The following GNPDA2 variants were observed in gnomAD, a reference collection of about 807,000 sequenced individuals.
GNPDA2 encodes glucosamine-6-phosphate deaminase 2.
In GNPDA2, 24 loss-of-function variants were observed where a neutral mutation model predicts 27.0. The observed-to-expected ratio is 0.89, with a 90% confidence interval of 0.64 to 1.25. The LOEUF (loss-of-function observed/expected upper bound fraction) is 1.25, where lower values mean the gene tolerates loss of function less well. GNPDA2 is among the 50% of genes most tolerant of loss of function. The pLI is 0.00. For synonymous variants in GNPDA2, 94 were observed against 108.4 expected, an observed-to-expected ratio of 0.87 and a Z score of 0.83; for missense variants, 286 against 335.1, an observed-to-expected ratio of 0.85 and a Z score of 1.14.
At chr4:44,724,637 G>GTT (rs1212655055) in intron 1 of GNPDA2, among the ~76,000 whole-genome samples, 1 of 152,140 alleles carries the variant, frequency 6.6e-6, no homozygotes, top group African/African-American at 2.4e-5. Flanking sequence ...GCATTCCTGA[G>GTT]TTTTGTACCC....
Position 44,717,214 on chromosome 4 carries a change from T to C in GNPDA2, c.308A>G (p.Asn103Ser). 1 of 1,597,838 alleles carries C rather than the reference T, an allele frequency of 6.3e-7. No homozygotes were observed. Among genetic ancestry groups the C allele is most frequent in the Non-Finnish European group, 8.6e-7 (1 of 1,167,150 alleles). Residue 103 changes from asparagine to serine, a missense_variant, in exon 4 of 7, where the codon AAT becomes AGT. By Grantham distance (46) the Asn-to-Ser change is conservative. Transcript: ENST00000295448. The part of the protein sequence containing the change: ...FFKHIDIDPN[N>S]AHILDGNAAD... ...AGCATTCCCGTCAAGGATATGTGCA[T>C]TATTAGGATCTATATCGATATGCTT...
intron 5 of GNPDA2, among the ~76,000 whole-genome samples, chr4:44,709,609 A>T (rs565496528): frequency 1.3e-5 from 2 of 152,250 alleles, no homozygotes; most frequent in South Asian, 4.2e-4. Flanking sequence ...TTAAAAGGTT[A>T]TGAAATAAGC....
chr4:44,702,056 T>G lies in GNPDA2; in HGVS notation c.*1025A>C. On this transcript the variant is annotated 3_prime_UTR_variant, in exon 7 of 7. Transcript: ENST00000295448. ...TTAACCTAACTCTCCTAATGCATGA[T>G]GGTAACAAACCCAAAATGAATGCAG... 2 of 985,696 alleles carry G rather than the reference T, an allele frequency of 2.0e-6. No individual in the cohort carries two copies. The highest frequency in any genetic ancestry group is 2.4e-6 in the Non-Finnish European group (2 of 829,858). The allele number at this position is 985,696 out of a possible 1,614,324, so 61.1% of individuals were successfully genotyped here. A position where few individuals can be genotyped will look rare whatever the true frequency, so the allele number is the denominator to read the frequency against.
chr4:44,703,292 A>C (rs1024796325), intron 6 of GNPDA2, 150 bp from the exon 7 acceptor site: 1 of 1,397,868 alleles, frequency 7.2e-7, no homozygotes, highest in African/African-American at 1.5e-5. Flanking sequence ...GTACAAATAG[A>C]AATGTTTCAG....
At position 44,703,150 on chromosome 4, in the gene GNPDA2, A is replaced by C; in HGVS notation, c.770-8T>G. On this transcript the variant is annotated splice_polypyrimidine_tract_variant and splice_region_variant and intron_variant, in intron 6 of 6. Coordinates refer to ENST00000295448, the MANE Select transcript of GNPDA2 (RefSeq NM_138335.3). ...TGTGCACATGCATTAGACCTTAAAGAAAAAAAGCACAGTTCTAGTTGTTTT... is the reference window on the plus strand; with the variant it reads ...TGTGCACATGCATTAGACCTTAAAGCAAAAAAGCACAGTTCTAGTTGTTTT... The C allele has an allele frequency of 2.5e-6, 4 of 1,605,398 alleles. No individual in the cohort carries two copies. The highest frequency in any genetic ancestry group is 3.4e-6 in the Non-Finnish European group (4 of 1,177,316).
At chr4:44,704,406 AT>A (rs1364777681) in intron 6 of GNPDA2, 9 of 939,008 alleles carry the variant, frequency 9.6e-6, no homozygotes, top group Non-Finnish European at 1.1e-5. Context: ...AACAACTTTG[AT>A]TACGGAAAGA....
At chr4:44,703,166 T>C (rs1264596398) in intron 6 of GNPDA2, 24 bp from the exon 7 acceptor site, 5 of 1,593,538 alleles carry the variant, frequency 3.1e-6, no homozygotes, top group Middle Eastern at 1.7e-4. Flanking sequence ...AGCACAGTTC[T>C]AGTTGTTTTT....
chr4:44,722,748 GA>G (rs780744974), intron 1 of GNPDA2, among the ~76,000 whole-genome samples: 6 of 152,152 alleles, frequency 3.9e-5, no homozygotes, highest in Non-Finnish European at 7.4e-5. Flanking sequence ...AGCATCTGTG[GA>G]TTTTGGTATC....
In GNPDA2 at chr4:44,707,771, TTTAACTC is replaced by T. The variant is rs895582797; in HGVS notation, c.743_749del (p.Arg248LysfsTer3). 7 of 1,612,918 alleles carry T rather than the reference TTTAACTC, an allele frequency of 4.3e-6. No individual in the cohort carries two copies. The highest frequency in any genetic ancestry group is 2.7e-5 in the African/African-American group (2 of 74,866). ...GCTCACCTTTAAAGTATTTCACAGT[TTTAACTC>T]TTAATTCTAAAGTAGCATCTTCATC... On this transcript the variant is annotated frameshift_variant, in exon 6 of 7. Transcript: ENST00000295448. LOFTEE classifies it high-confidence loss of function.
At position 44,702,658 on chromosome 4, in the gene GNPDA2, T is replaced by A; in HGVS notation, c.*423A>T. The A allele has an allele frequency of 9.9e-7, 1 of 1,014,264 alleles. No individual in the cohort carries two copies. The highest frequency in any genetic ancestry group is 1.2e-6 in the Non-Finnish European group (1 of 849,814). The allele number at this position is 1,014,264 out of a possible 1,614,324, so 62.8% of individuals were successfully genotyped here. A position where few individuals can be genotyped will look rare whatever the true frequency, so the allele number is the denominator to read the frequency against. On this transcript the variant is annotated 3_prime_UTR_variant, in exon 7 of 7. Coordinates refer to ENST00000295448, the MANE Select transcript of GNPDA2 (RefSeq NM_138335.3). ...TGTGATGCACAGAAAATATAAAGAT[T>A]GCATTCCAAAAGTGAAGGTCTGCAA... is the stretch of plus-strand genomic sequence containing the variant.
intron 6 of GNPDA2, chr4:44,706,298 T>G (rs1416145216): frequency 9.4e-6 from 1 of 106,354 alleles, no homozygotes; most frequent in African/African-American, 2.8e-5. Flanking sequence ...TATAAATGAC[T>G]AGAAATAATC....
Position 44,722,115 on chromosome 4 carries a change from C to T in GNPDA2, c.93G>A (p.Gln31=). 6.2e-7 allele frequency: 1 copy of T among 1,612,692 alleles called. No individual in the cohort carries two copies. The highest frequency in any genetic ancestry group is 2.2e-5 in the East Asian group (1 of 44,804). Residue 31 remains glutamine (Q), a synonymous_variant, in exon 2 of 7, where the codon CAG becomes CAA. Coordinates refer to ENST00000295448, the MANE Select transcript of GNPDA2 (RefSeq NM_138335.3). ...CNRIIQFKPG[Q]DRYFTLGLPT... Reference sequence around the variant, plus strand: ...GTAAACCCAGTGTAAAATATCTGTCCTGTCCAGGTTTGAACTGAATGATGC... The same window carrying T: ...GTAAACCCAGTGTAAAATATCTGTCTTGTCCAGGTTTGAACTGAATGATGC...
At chr4:44,707,711 C>G (rs200017652) in intron 6 of GNPDA2, 41 bp downstream of exon 6, 1 of 1,566,320 alleles carries the variant, frequency 6.4e-7, no homozygotes, top group Non-Finnish European at 8.8e-7. Flanking sequence ...TTGTCACTCA[C>G]AACAGATTAT....
rs560591952 is a variant in GNPDA2, at chr4:44,720,112, A to T, written c.125-1702T>A. Among the ~76,000 whole-genome samples, 369 of 152,292 alleles carry T rather than the reference A, an allele frequency of 2.4e-3. 5 individuals are homozygous for T. The highest frequency in any genetic ancestry group is 2.6e-4 in the Non-Finnish European group (18 of 67,998). On this transcript the variant is annotated intron_variant, in intron 2 of 6. Coordinates refer to ENST00000295448, the MANE Select transcript of GNPDA2 (RefSeq NM_138335.3). ...GGGATACACTTTCAACAAAGAGGAA[A>T]CTAACTCAGAGCAGAGAAAAGATGG...
At chr4:44,714,387 G>A (rs1717156434) in intron 4 of GNPDA2, 18 of 985,302 alleles carry the variant, frequency 1.8e-5, no homozygotes, top group Non-Finnish European at 2.2e-5. Context: ...CATCAGAGGA[G>A]GAATTAGAAC....
chr4:44,709,341 G>A (rs1461953760), intron 5 of GNPDA2, among the ~76,000 whole-genome samples: 2 of 152,208 alleles, frequency 1.3e-5, no homozygotes, highest in Non-Finnish European at 1.5e-5. Context: ...TCTTTAAATA[G>A]ACTTGATCTG....
At chr4:44,725,593 T>C (rs6825450) in intron 1 of GNPDA2, among the ~76,000 whole-genome samples, 81 of 152,046 alleles carry the variant, frequency 5.3e-4, no homozygotes, top group African/African-American at 1.9e-3. Context: ...CTTTTTGTTT[T>C]CTTAAACTCT....
intron 5 of GNPDA2, among the ~76,000 whole-genome samples, chr4:44,708,531 A>G (rs1485627462): frequency 6.8e-6 from 1 of 147,370 alleles, no homozygotes; most frequent in Non-Finnish European, 1.5e-5. Context: ...ATAATCACAT[A>G]TGACTGATAT....
Position 44,722,145 on chromosome 4 carries a change from A to T in GNPDA2, c.63T>A (p.Cys21Ter). 6.2e-7 allele frequency: 1 copy of T among 1,613,462 alleles called. No homozygotes were observed. Among genetic ancestry groups the T allele is most frequent in the Non-Finnish European group, 8.5e-7 (1 of 1,179,448 alleles). The change falls in exon 2 of 7, where the codon TGT (cysteine) becomes TGA (stop). Residue 21 changes from cysteine (C) to a stop codon, truncating the protein, a stop_gained. Transcript: ENST00000295448. LOFTEE classifies it high-confidence loss of function. ...LASEWAAKYI[C>*]NRIIQFKPGQ... ...CAGGTTTGAACTGAATGATGCGATTACAGATGTATTTGGCTGCCCATTCAC... is the reference window on the plus strand; with the variant it reads ...CAGGTTTGAACTGAATGATGCGATTTCAGATGTATTTGGCTGCCCATTCAC...
Sources: gnomAD v4.1 joint callset for allele counts (sites outside exome capture counted in the v4.1 genomes callset) on GRCh38, gnomAD v4.1.1 for gene constraint, MANE v1.5 for transcripts, NCBI Gene and HGNC (gene_info 2026-07-23, HGNC 2026-07-21) for gene names.